Variants in ADAMTS16 observed in about 807,000 individuals in gnomAD.
ADAMTS16 encodes ADAM metallopeptidase with thrombospondin type 1 motif 16.
ADAMTS16 carries 94 observed loss-of-function variants against 145.8 expected under a neutral mutation model. The ratio of observed to expected loss-of-function variants is 0.64; its 90% confidence interval spans 0.55 to 0.77. The LOEUF is 0.77. ADAMTS16 is among the 30% of genes least tolerant of loss of function. The pLI is 0.00. For synonymous variants in ADAMTS16, 659 were observed against 604.3 expected, an observed-to-expected ratio of 1.09 and a Z score of -1.33; for missense variants, 1,585 against 1,591.5, an observed-to-expected ratio of 1.00 and a Z score of 0.07.
In ADAMTS16 at chr5:5,265,985, A is replaced by AGTGTGT. The variant is rs71604122; in HGVS notation, c.2789+3240_2789+3245dup. Among the ~76,000 whole-genome samples, 197 of 141,474 alleles carry AGTGTGT rather than the reference A, an allele frequency of 1.4e-3. 2 individuals are homozygous for AGTGTGT. In the East Asian group the frequency reaches 0.015, roughly 11 times the overall value. 92.8% of individuals were successfully genotyped at this position (141,474 alleles called of 152,430 possible). On this transcript the variant is annotated intron_variant, in intron 18 of 22. Coordinates refer to ENST00000274181, the MANE Select transcript of ADAMTS16 (RefSeq NM_139056.4). ...GAAACCAGTAAATTAGACTTAAAGAAGTGTGTGTGTGTGTGTGTGTGTGTG... is the reference window on the plus strand; with the variant it reads ...GAAACCAGTAAATTAGACTTAAAGAAGTGTGTGTGTGTGTGTGTGTGTGTGTGTGTG...
rs1348964146 is a variant in ADAMTS16, at chr5:5,150,291, G to A, written c.501+3836G>A. Among the ~76,000 whole-genome samples the A allele has an allele frequency of 2.6e-5, 4 of 152,336 alleles. No individual in the cohort carries two copies. In the South Asian group the frequency reaches 6.2e-4, roughly 24 times the overall value. On this transcript the variant is annotated intron_variant, in intron 3 of 22. Transcript: ENST00000274181. ...TGGGTAGAGATTATTGGCTTGTGAA[G>A]TGGGTTCACTGTGCAGAGGTTAGCA...
At chr5:5,263,567 G>C (rs1579354464) in intron 18 of ADAMTS16, among the ~76,000 whole-genome samples, 1 of 152,360 alleles carries the variant, frequency 6.6e-6, no homozygotes, top group East Asian at 1.9e-4. Context: ...GTGAGCAAGT[G>C]AGTACAGGAT....
intron 1 of ADAMTS16, 36 bp from the exon 2 acceptor site, chr5:5,140,628 G>A (rs1290534267): frequency 6.5e-6 from 10 of 1,529,850 alleles, no homozygotes; most frequent in Middle Eastern, 4.4e-4. Context: ...CGCGGACCCC[G>A]CCGTCTCACC....
chr5:5,231,256 T>A (rs867224047), intron 11 of ADAMTS16, among the ~76,000 whole-genome samples: 1 of 152,218 alleles, frequency 6.6e-6, no homozygotes, highest in South Asian at 2.1e-4. Flanking sequence ...GATGAGGCTT[T>A]ACTCTTCAGA....
intron 20 of ADAMTS16, among the ~76,000 whole-genome samples, chr5:5,305,004 C>CACACACACACACACACAT (rs1561000214): frequency 2.5e-5 from 2 of 80,932 alleles, no homozygotes; most frequent in African/African-American, 9.7e-5. Context: ...CACACACACA[C>CACACACACACACACACAT]ATCCCACACC....
At chr5:5,306,816 G>A in intron 21 of ADAMTS16, 88 bp downstream of exon 21, 2 of 1,312,552 alleles carry the variant, frequency 1.5e-6, no homozygotes, top group South Asian at 1.5e-5. Flanking sequence ...TTCTGCGAGG[G>A]TGTTTTCCCC....
chr5:5,262,709 T>C lies in ADAMTS16; in HGVS notation c.2715T>C (p.Asn905=). Residue 905 remains asparagine, a synonymous_variant, in exon 18 of 23, where the codon AAT becomes AAC. Coordinates refer to ENST00000274181, the MANE Select transcript of ADAMTS16 (RefSeq NM_139056.4). ...GCYRDLKFQV[N]MSFCNPKTRP... Reference sequence around the variant, plus strand: ...ACAGAGACCTGAAGTTTCAAGTAAATATGTCCTTCTGCAATCCCAAGACAC... The same window carrying C: ...ACAGAGACCTGAAGTTTCAAGTAAACATGTCCTTCTGCAATCCCAAGACAC... The C allele has an allele frequency of 1.9e-6, 3 of 1,614,164 alleles. No homozygotes were observed. Among genetic ancestry groups the C allele is most frequent in the Non-Finnish European group, 2.5e-6 (3 of 1,180,026 alleles).
intron 9 of ADAMTS16, among the ~76,000 whole-genome samples, chr5:5,203,929 AGCCC>A (rs1401368182): frequency 6.6e-6 from 1 of 152,194 alleles, no homozygotes; most frequent in Non-Finnish European, 1.5e-5. Context: ...CTGACCTGAC[AGCCC>A]ATTAAGTGTG....
chr5:5,260,392 T>C (rs1024381533), intron 17 of ADAMTS16, among the ~76,000 whole-genome samples: 2 of 152,232 alleles, frequency 1.3e-5, no homozygotes, highest in Admixed American at 6.5e-5. Flanking sequence ...TTCTAGAGTA[T>C]ATATCAAAGT....
intron 9 of ADAMTS16, among the ~76,000 whole-genome samples, chr5:5,202,138 G>A (rs1735977259): frequency 6.6e-6 from 1 of 151,990 alleles, no homozygotes; most frequent in Admixed American, 6.5e-5. Flanking sequence ...CATTCTCTAG[G>A]GATCCTGGCT....
At chr5:5,312,536 C>G (rs1740501959) in intron 21 of ADAMTS16, among the ~76,000 whole-genome samples, 1 of 151,742 alleles carries the variant, frequency 6.6e-6, no homozygotes, top group South Asian at 2.1e-4. Context: ...CAACCTCCAC[C>G]TTCCAGGTTC....
In ADAMTS16 at chr5:5,303,262, G is replaced by A; in HGVS notation, c.2790-6G>A. ...CCCTCACCGAGGTCTCTTTGTCCCT[G>A]CCCAGCTGGTCCGTGGGGAACTGGA... is the stretch of plus-strand genomic sequence containing the variant. On this transcript the variant is annotated splice_region_variant and splice_polypyrimidine_tract_variant and intron_variant, in intron 18 of 22. Transcript: ENST00000274181. The A allele has an allele frequency of 1.3e-6, 2 of 1,551,512 alleles. No homozygotes were observed. The highest frequency in any genetic ancestry group is 1.7e-6 in the Non-Finnish European group (2 of 1,146,354).
At chr5:5,172,002 G>T (rs943651341) in intron 3 of ADAMTS16, among the ~76,000 whole-genome samples, 1 of 152,128 alleles carries the variant, frequency 6.6e-6, no homozygotes, top group African/African-American at 2.4e-5. Context: ...TTGGTAGTTT[G>T]TATGTGTCTA....
intron 18 of ADAMTS16, among the ~76,000 whole-genome samples, chr5:5,299,573 G>A (rs6555349): frequency 0.48 from 73,623 of 151,864 alleles, 18,412 homozygotes; most frequent in Non-Finnish European, 0.55. Context: ...AAGACTGTTC[G>A]GCATTAGGGA....
In ADAMTS16 at chr5:5,310,298, A is replaced by G. The variant is rs146863891; in HGVS notation, c.3411+3570A>G. On this transcript the variant is annotated intron_variant, in intron 21 of 22. Coordinates refer to ENST00000274181, the MANE Select transcript of ADAMTS16 (RefSeq NM_139056.4). This position sits in a 1 kb window ranked among gnomAD's most constrained non-coding sequence, Gnocchi z 4.3. ...CCATCTCTCATCCTTCCTAGCCCCC[A>G]ATTCCCTTTTCTGTGGCCACTTCCA... is the stretch of plus-strand genomic sequence containing the variant. Among the ~76,000 whole-genome samples, 192 of 151,894 alleles carry G rather than the reference A, an allele frequency of 1.3e-3. 5 individuals carry two copies. The East Asian group carries it at 0.037, about 29-fold the overall frequency.
intron 10 of ADAMTS16, among the ~76,000 whole-genome samples, chr5:5,219,906 T>C (rs1330526856): frequency 1.3e-5 from 2 of 152,202 alleles, no homozygotes; most frequent in Non-Finnish European, 2.9e-5. Context: ...AACTAAAACC[T>C]AAGAATATTC....
intron 21 of ADAMTS16, among the ~76,000 whole-genome samples, chr5:5,315,753 G>A (rs566965076): frequency 2.5e-4 from 38 of 152,310 alleles, no homozygotes; most frequent in Non-Finnish European, 4.7e-4. Context: ...TGTAATAAGT[G>A]ATGGGCAACA....
At chr5:5,231,938 C>T (rs1736937860) in intron 11 of ADAMTS16, among the ~76,000 whole-genome samples, 2 of 152,086 alleles carry the variant, frequency 1.3e-5, no homozygotes, top group South Asian at 2.1e-4. Flanking sequence ...AGGTGTTGAG[C>T]CATGTGGAGC....
At chr5:5,229,160 C>T (rs374435707) in intron 11 of ADAMTS16, among the ~76,000 whole-genome samples, 124 of 151,328 alleles carry the variant, frequency 8.2e-4, no homozygotes, top group African/African-American at 2.8e-3. Context: ...TAGCCGGGCG[C>T]GGTGGCGGGC....
Sources: gnomAD v4.1 joint callset for allele counts (sites outside exome capture counted in the v4.1 genomes callset) on GRCh38, gnomAD v4.1.1 for gene constraint, Gnocchi (gnomAD v3.1) non-coding constraint, MANE v1.5 for transcripts, NCBI Gene and HGNC (gene_info 2026-07-23, HGNC 2026-07-21) for gene names.